Variants in CYP27B1 observed in about 807,000 individuals in gnomAD.
CYP27B1 encodes the protein 25-hydroxyvitamin D-1 alpha hydroxylase, mitochondrial.
A neutral mutation model predicts 54.8 loss-of-function variants in CYP27B1; 46 were observed. That is an observed-to-expected ratio of 0.84 (90% CI 0.66 to 1.07). The LOEUF (loss-of-function observed/expected upper bound fraction) is 1.07. Ranked by LOEUF, CYP27B1 falls within the 50% of genes least tolerant of loss-of-function variation. The pLI is 0.00. For synonymous variants in CYP27B1, 292 were observed against 297.3 expected, an observed-to-expected ratio of 0.98 and a Z score of 0.18; for missense variants, 674 against 692.2, an observed-to-expected ratio of 0.97 and a Z score of 0.30.
Position 57,762,653 on chromosome 12 carries a change from A to T in CYP27B1, c.*489T>A, listed in dbSNP as rs1310790568. 4.3e-6 allele frequency: 1 copy of T among 235,210 alleles called. No homozygotes were observed. The highest frequency in any genetic ancestry group is 8.5e-6 in the Non-Finnish European group (1 of 117,972). 14.6% of individuals were successfully genotyped at this position (235,210 alleles called of 1,614,324 possible). ...AATGTGTATGGTGACACCTAGTCAG[A>T]GACAGGCCCTGGCAGGGGACATAAA... On this transcript the variant is annotated 3_prime_UTR_variant, in exon 9 of 9. Coordinates refer to ENST00000228606, the MANE Select transcript of CYP27B1 (RefSeq NM_000785.4).
chr12:57,763,650 T>TCTCCC lies in CYP27B1; in HGVS notation c.1369_1373dup (p.Arg459GlyfsTer17), dbSNP rs754559171. On this transcript the variant is annotated frameshift_variant, in exon 8 of 9. Coordinates refer to ENST00000228606, the MANE Select transcript of CYP27B1 (RefSeq NM_000785.4). LOFTEE classifies it high-confidence loss of function. ...TTTGCAATTCAAGCTCTGCCAGGCG[T>TCTCCC]CTCCCCATACAGCTGCGCTTGCCAA... 3.1e-6 allele frequency: 5 copies of TCTCCC among 1,612,560 alleles called. No individual in the cohort carries two copies.
rs759056278 is a variant in CYP27B1 at position 57,765,090 on chromosome 12, C to T, written c.711G>A (p.Ala237=). The T allele has an allele frequency of 6.2e-7, 1 of 1,613,944 alleles. No individual in the cohort carries two copies. Among genetic ancestry groups the T allele is most frequent in the Admixed American group, 1.7e-5 (1 of 60,034 alleles). ...CAAGGTGGCGCAGCCAGTGGGGCAT[C>T]GCCATGGTCAACAGCGTGGACACAA... ...SVFVSTLLTM[A]MPHWLRHLVP... The change falls in exon 4 of 9, where the codon GCG becomes GCA. Residue 237 remains alanine, a synonymous_variant. Transcript: ENST00000228606. The surrounding 1 kb of genome is among the most constrained non-coding windows in gnomAD (Gnocchi z 5.8).
intron 7 of CYP27B1, 86 bp from the exon 8 acceptor site, chr12:57,763,894 A>AG: frequency 7.1e-7 from 1 of 1,401,094 alleles, no homozygotes; most frequent in Non-Finnish European, 1.0e-6. Flanking sequence ...GGACAAAGGC[A>AG]GGTCCTGGTG....
At chr12:57,764,611 T>C in intron 5 of CYP27B1, 61 bp from the exon 6 acceptor site, 1 of 1,600,906 alleles carries the variant, frequency 6.2e-7, no homozygotes, top group Non-Finnish European at 8.6e-7. Context: ...AGGGTGCAGA[T>C]TATGGAAGAG....
At chr12:57,766,768 C>T (rs961768349) in intron 1 of CYP27B1, 79 bp downstream of exon 1, 42 of 1,468,946 alleles carry the variant, frequency 2.9e-5, no homozygotes, top group Middle Eastern at 1.9e-4. Context: ...CACATTTGCT[C>T]TGCACTAGTC....
Position 57,763,515 on chromosome 12 carries a change from A to T in CYP27B1, c.1413+96T>A, listed in dbSNP as rs1955334906. The T allele has an allele frequency of 2.7e-6, 3 of 1,129,568 alleles. No homozygotes were observed. In the South Asian group the frequency reaches 3.7e-5, roughly 14 times the overall value. The allele number at this position is 1,129,568 out of a possible 1,614,324, so 70.0% of individuals were successfully genotyped here. ...CAGAAGATTCATTCTACCAGGTCTT[A>T]TATGATTTCCTATGCTTGTCAGGGG... On this transcript the variant is annotated intron_variant, in intron 8 of 8. Coordinates refer to ENST00000228606, the MANE Select transcript of CYP27B1 (RefSeq NM_000785.4).
At position 57,765,270 on chromosome 12, in the gene CYP27B1, C is replaced by G; in HGVS notation, c.589+27G>C. The G allele has an allele frequency of 6.2e-7, 1 of 1,612,250 alleles. No homozygotes were observed. Among genetic ancestry groups the G allele is most frequent in the South Asian group, 1.1e-5 (1 of 90,988 alleles). ...AGGCTCTGGTAGGGCGCCCCCGACG[C>G]CTGCCCAGCTCTGTCCTGGGACTCA... On this transcript the variant is annotated intron_variant, in intron 3 of 8. Coordinates refer to ENST00000228606, the MANE Select transcript of CYP27B1 (RefSeq NM_000785.4). The surrounding 1 kb of genome is among the most constrained non-coding windows in gnomAD (Gnocchi z 5.8).
In CYP27B1 at chr12:57,765,948, C is replaced by T; in HGVS notation, c.386+59G>A. 1 of 1,479,558 alleles carries T rather than the reference C, an allele frequency of 6.8e-7. No homozygotes were observed. The highest frequency in any genetic ancestry group is 9.0e-7 in the Non-Finnish European group (1 of 1,116,958). 91.7% of individuals were successfully genotyped at this position (1,479,558 alleles called of 1,614,324 possible). A position where few individuals can be genotyped will look rare whatever the true frequency, so the allele number is the denominator to read the frequency against. On this transcript the variant is annotated intron_variant, in intron 2 of 8. Transcript: ENST00000228606. This position sits in a 1 kb window ranked among gnomAD's most constrained non-coding sequence, Gnocchi z 5.8. ...GCCCCCAGATTGATAGTTTCGGGAC[C>T]CGCAGCAGGAGAGGGCCGCTGCAGG... is the stretch of plus-strand genomic sequence containing the variant.
At position 57,764,800 on chromosome 12, in the gene CYP27B1, G is replaced by C. The variant is rs781498062; in HGVS notation, c.917C>G (p.Ser306Cys). 2 of 1,614,144 alleles carry C rather than the reference G, an allele frequency of 1.2e-6. No individual in the cohort carries two copies. Among genetic ancestry groups the C allele is most frequent in the Non-Finnish European group, 1.7e-6 (2 of 1,180,016 alleles). Residue 306 changes from serine to cysteine, a missense_variant, in exon 5 of 9, where the codon TCC becomes TGC. Physicochemically the swap from Ser to Cys is moderately radical, Grantham distance 112 (BLOSUM62 -1). Transcript: ENST00000228606. ...FLFREELPAQ[S>C]ILGNVTELLL... ...CAACTCTGTCACATTTCCCAGGATG[G>C]ACTGGGCAGGCAACTCTTCCCGGAA...
rs1328217954 is a variant in CYP27B1, at chr12:57,766,232, T to G, written c.196-35A>C. On this transcript the variant is annotated intron_variant, in intron 1 of 8. Coordinates refer to ENST00000228606, the MANE Select transcript of CYP27B1 (RefSeq NM_000785.4). The stretch of plus-strand genomic sequence containing the variant: ...CGGACACAGCGGACACTTGGATACC[T>G]GGGCGGGGACTTTCAGCTTGACCTG... 4.7e-6 allele frequency: 7 copies of G among 1,504,052 alleles called. No individual in the cohort carries two copies. The East Asian group carries it at 1.8e-4, about 38-fold the overall frequency. The allele number at this position is 1,504,052 out of a possible 1,614,324, so 93.2% of individuals were successfully genotyped here. A position where few individuals can be genotyped will look rare whatever the true frequency, so the allele number is the denominator to read the frequency against.
In CYP27B1 at chr12:57,762,889, C is replaced by A. The variant is rs1489465490; in HGVS notation, c.*253G>T. On this transcript the variant is annotated 3_prime_UTR_variant, in exon 9 of 9. Coordinates refer to ENST00000228606, the MANE Select transcript of CYP27B1 (RefSeq NM_000785.4). ...TTATTAGTTAAAATCTGATTTCATC[C>A]TTGGGGGATGCATACATGATCAGAA... is the stretch of plus-strand genomic sequence containing the variant. 2 of 474,372 alleles carry A rather than the reference C, an allele frequency of 4.2e-6. No homozygotes were observed. The highest frequency in any genetic ancestry group is 7.8e-6 in the Non-Finnish European group (2 of 256,606). The allele number at this position is 474,372 out of a possible 1,614,324, so 29.4% of individuals were successfully genotyped here.
In CYP27B1 at chr12:57,765,968, T is replaced by C; in HGVS notation, c.386+39A>G. On this transcript the variant is annotated intron_variant, in intron 2 of 8. Transcript: ENST00000228606. This position sits in a 1 kb window ranked among gnomAD's most constrained non-coding sequence, Gnocchi z 5.8. Reference sequence around the variant, plus strand: ...GGGACCCGCAGCAGGAGAGGGCCGCTGCAGGGCGTCTGGGCTTCTGGGGGC... The same window carrying C: ...GGGACCCGCAGCAGGAGAGGGCCGCCGCAGGGCGTCTGGGCTTCTGGGGGC... The C allele has an allele frequency of 6.6e-7, 1 of 1,512,598 alleles. No homozygotes were observed. The highest frequency in any genetic ancestry group is 2.3e-5 in the Admixed American group (1 of 44,280). 93.7% of individuals were successfully genotyped at this position (1,512,598 alleles called of 1,614,324 possible). A position where few individuals can be genotyped will look rare whatever the true frequency, so the allele number is the denominator to read the frequency against.
At position 57,763,783 on chromosome 12, in the gene CYP27B1, G is replaced by C; in HGVS notation, c.1241C>G (p.Ala414Gly). 3 of 1,614,146 alleles carry C rather than the reference G, an allele frequency of 1.9e-6. No individual in the cohort carries two copies. Among genetic ancestry groups the C allele is most frequent in the Non-Finnish European group, 1.7e-6 (2 of 1,180,000 alleles). ...GAACTGGGCAGGGTCCCTTGAAGTG[G>C]CATAGTGACACAGAGTGACCAGCGT... ...KNTLVTLCHY[A>G]TSRDPAQFPE... Residue 414 changes from alanine to glycine, a missense_variant, in exon 8 of 9, where the codon GCC becomes GGC. Ala to Gly is a moderately conservative substitution (Grantham distance 60). Coordinates refer to ENST00000228606, the MANE Select transcript of CYP27B1 (RefSeq NM_000785.4).
Position 57,765,187 on chromosome 12 carries a change from G to C in CYP27B1, c.614C>G (p.Ser205Trp). ...TTGAGCCTCCAGGCAGCCCAAGCGCGAGCCGAGCAGAACCGCGGCGATGCC... is the reference window on the plus strand; with the variant it reads ...TTGAGCCTCCAGGCAGCCCAAGCGCCAGCCGAGCAGAACCGCGGCGATGCC... ...LEGIAAVLLGSRLGCLEAQVP... is the reference protein window; with the variant it reads ...LEGIAAVLLGWRLGCLEAQVP... The change falls in exon 4 of 9, where the codon TCG becomes TGG. Residue 205 changes from serine to tryptophan, a missense_variant. Coordinates refer to ENST00000228606, the MANE Select transcript of CYP27B1 (RefSeq NM_000785.4). The surrounding 1 kb of genome is among the most constrained non-coding windows in gnomAD (Gnocchi z 5.8). 6.2e-7 allele frequency: 1 copy of C among 1,613,196 alleles called. No homozygotes were observed.
intron 7 of CYP27B1, 95 bp downstream of exon 7, chr12:57,764,003 G>C: frequency 8.5e-7 from 1 of 1,176,210 alleles, no homozygotes; most frequent in Non-Finnish European, 1.3e-6. Flanking sequence ...CAAGGGGAGT[G>C]TTTGAAGGGC....
rs761902845 is a variant in CYP27B1, at chr12:57,766,993, A to G, written c.49T>C (p.Trp17Arg). The stretch of plus-strand genomic sequence containing the variant: ...AGGGAGGCGCCCAACTCGGGCGCCC[A>G]GCGGACGCGATGGAACACTCTGGAG... ...YASRVFHRVRWAPELGASLGY... is the reference protein window; with the variant it reads ...YASRVFHRVRRAPELGASLGY... Residue 17 changes from tryptophan to arginine, a missense_variant, in exon 1 of 9, where the codon TGG (tryptophan) becomes CGG (arginine). Transcript: ENST00000228606. The G allele has an allele frequency of 6.2e-7, 1 of 1,614,182 alleles. No individual in the cohort carries two copies.
chr12:57,765,975 C>A lies in CYP27B1; in HGVS notation c.386+32G>T, dbSNP rs1303507924. 1 of 1,523,108 alleles carries A rather than the reference C, an allele frequency of 6.6e-7. No homozygotes were observed. Among genetic ancestry groups the A allele is most frequent in the South Asian group, 1.2e-5 (1 of 82,308 alleles). 94.3% of individuals were successfully genotyped at this position (1,523,108 alleles called of 1,614,324 possible). On this transcript the variant is annotated intron_variant, in intron 2 of 8. Transcript: ENST00000228606. The surrounding 1 kb of genome is among the most constrained non-coding windows in gnomAD (Gnocchi z 5.8). ...GCAGCAGGAGAGGGCCGCTGCAGGGCGTCTGGGCTTCTGGGGGCAGAGAAG... is the reference window on the plus strand; with the variant it reads ...GCAGCAGGAGAGGGCCGCTGCAGGGAGTCTGGGCTTCTGGGGGCAGAGAAG...
In CYP27B1 at chr12:57,764,528, G is replaced by A. The variant is rs1472040668; in HGVS notation, c.986C>T (p.Ala329Val). Residue 329 changes from alanine (A) to valine (V), a missense_variant, in exon 6 of 9, where the codon GCT becomes GTT. Ala to Val is a moderately conservative substitution (Grantham distance 64). Coordinates refer to ENST00000228606, the MANE Select transcript of CYP27B1 (RefSeq NM_000785.4). ...VDTVSNTLSW[A>V]LYELSRHPEV... ...GGGGTGCCGGGAGAGCTCATACAGAGCCCAAGAGAGCGTGTTGGACACCTG... is the reference window on the plus strand; with the variant it reads ...GGGGTGCCGGGAGAGCTCATACAGAACCCAAGAGAGCGTGTTGGACACCTG... 19 of 1,614,018 alleles carry A rather than the reference G, an allele frequency of 1.2e-5. No individual in the cohort carries two copies. Among genetic ancestry groups the A allele is most frequent in the Non-Finnish European group, 2.5e-6 (3 of 1,180,044 alleles).
chr12:57,766,865 C>T lies in CYP27B1; in HGVS notation c.177G>A (p.Ser59=), dbSNP rs746424645. The stretch of plus-strand genomic sequence containing the variant: ...TTCCTACCTGCAGCTCGTGTAGCCT[C>T]GACAGCCCCCCCTTGCAGAAAAGTT... ...LAELFCKGGL[S]RLHELQVQGA... Residue 59 remains serine (S), a synonymous_variant, in exon 1 of 9, where the codon TCG becomes TCA. Coordinates refer to ENST00000228606, the MANE Select transcript of CYP27B1 (RefSeq NM_000785.4). 26 of 1,614,106 alleles carry T rather than the reference C, an allele frequency of 1.6e-5. No homozygotes were observed. Among genetic ancestry groups the T allele is most frequent in the Non-Finnish European group, 2.2e-5 (26 of 1,180,052 alleles).
Sources: gnomAD v4.1 joint callset for allele counts on GRCh38, gnomAD v4.1.1 for gene constraint, Gnocchi (gnomAD v3.1) non-coding constraint, MANE v1.5 for transcripts, NCBI Gene and HGNC (gene_info 2026-07-23, HGNC 2026-07-21) for gene names.